The following TAFA1 variants were observed in gnomAD, a reference collection of about 807,000 sequenced individuals.
The protein encoded by TAFA1 is TAFA chemokine like family member 1.
A neutral mutation model predicts 18.5 loss-of-function variants in TAFA1; 4 were observed. The observed-to-expected ratio is 0.22, with a 90% CI of 0.11 to 0.49. TAFA1 has a LOEUF of 0.49. Among genes scored for constraint, TAFA1 ranks in the 20% least tolerant of loss-of-function variants. The pLI, the probability that TAFA1 is intolerant of heterozygous loss-of-function variation, is 0.98. For synonymous variants in TAFA1, 56 were observed against 55.2 expected (o/e 1.01, Z -0.06); for missense variants, 147 against 169.0 (o/e 0.87, Z 0.72).
chr3:68,395,929 A>C (rs2106729322), intron 2 of TAFA1, among the ~76,000 whole-genome samples: 1 of 151,722 alleles, frequency 6.6e-6, no homozygotes, highest in African/African-American at 2.4e-5. Flanking sequence ...TGTATCCCAG[A>C]ACTTAAAGTA....
At position 68,325,211 on chromosome 3, in the gene TAFA1, A is replaced by T. The variant is rs886388519; in HGVS notation, c.119-92069A>T. On this transcript the variant is annotated intron_variant, in intron 2 of 4. Coordinates refer to ENST00000478136, the MANE Select transcript of TAFA1 (RefSeq NM_213609.4). ...TGTGTGACCCTAGAAGAAATATTTAACAGCACCAAGGCATCAGTGTCACCA... is the reference window on the plus strand; with the variant it reads ...TGTGTGACCCTAGAAGAAATATTTATCAGCACCAAGGCATCAGTGTCACCA... Among the ~76,000 whole-genome samples, 5 of 152,192 alleles carry T rather than the reference A, an allele frequency of 3.3e-5. 1 individual carries two copies. Among genetic ancestry groups the T allele is most frequent in the Admixed American group, 3.3e-4 (5 of 15,282 alleles).
chr3:68,306,143 A>C (rs1273481906), intron 2 of TAFA1, among the ~76,000 whole-genome samples: 1 of 152,252 alleles, frequency 6.6e-6, no homozygotes, highest in Non-Finnish European at 1.5e-5. Context: ...AGATTCCAAA[A>C]GGAAGATCAG....
intron 2 of TAFA1, chr3:68,145,567 TC>T: frequency 2.7e-6 from 4 of 1,480,106 alleles, no homozygotes; most frequent in Non-Finnish European, 3.8e-6. Context: ...CTGCTCCACT[TC>T]CCCCAATACC....
At chr3:68,047,102 T>TC (rs1459559802) in intron 2 of TAFA1, among the ~76,000 whole-genome samples, 1 of 152,192 alleles carries the variant, frequency 6.6e-6, no homozygotes, top group Non-Finnish European at 1.5e-5. Flanking sequence ...ACTGTTCTCA[T>TC]CCCCATGAGG....
chr3:68,254,892 C>T (rs2067269040), intron 2 of TAFA1, among the ~76,000 whole-genome samples: 1 of 152,108 alleles, frequency 6.6e-6, no homozygotes, highest in African/African-American at 2.4e-5. Flanking sequence ...TGCCAGCCTA[C>T]ACAGTACAAT....
intron 2 of TAFA1, among the ~76,000 whole-genome samples, chr3:68,386,760 C>T (rs1575824106): frequency 6.6e-6 from 1 of 152,100 alleles, no homozygotes; most frequent in Non-Finnish European, 1.5e-5. Flanking sequence ...AGGTGTGAAG[C>T]TTATAGAAAC....
At chr3:68,424,492 C>A (rs118043729) in intron 3 of TAFA1, among the ~76,000 whole-genome samples, 1 of 151,874 alleles carries the variant, frequency 6.6e-6, no homozygotes, top group South Asian at 2.1e-4. Context: ...ACAGATGTAA[C>A]TTTAATTTTT....
chr3:68,105,873 C>T (rs371066997), intron 2 of TAFA1, among the ~76,000 whole-genome samples: 4 of 152,198 alleles, frequency 2.6e-5, no homozygotes, highest in African/African-American at 9.6e-5. Flanking sequence ...CTGGTATTTA[C>T]AGGTTAATCC....
chr3:68,467,844 A>C (rs2071919399), intron 3 of TAFA1, among the ~76,000 whole-genome samples: 1 of 152,210 alleles, frequency 6.6e-6, no homozygotes, highest in South Asian at 2.1e-4. Flanking sequence ...CAAACATGGA[A>C]ATCCAAAAGT....
At chr3:68,507,574 T>C (rs1280065781) in intron 3 of TAFA1, among the ~76,000 whole-genome samples, 1 of 152,138 alleles carries the variant, frequency 6.6e-6, no homozygotes, top group Admixed American at 6.6e-5. Context: ...ATTGTTCTAT[T>C]AAATGATTAT....
At chr3:68,188,507 TTATA>T (rs758653893) in intron 2 of TAFA1, among the ~76,000 whole-genome samples, 175 of 145,720 alleles carry the variant, frequency 1.2e-3, no homozygotes, top group African/African-American at 3.5e-3. Context: ...GTATATATAT[TTATA>T]TATATATATA....
intron 2 of TAFA1, 131 bp from the exon 3 acceptor site, chr3:68,417,149 T>A: frequency 1.4e-6 from 1 of 692,258 alleles, no homozygotes; most frequent in Non-Finnish European, 2.5e-6. Context: ...AGTCCTGTTG[T>A]AATTGTATTT....
At chr3:68,116,814 C>T (rs1025014506) in intron 2 of TAFA1, among the ~76,000 whole-genome samples, 3 of 152,152 alleles carry the variant, frequency 2.0e-5, no homozygotes, top group Non-Finnish European at 4.4e-5. Context: ...CAAATCCAGC[C>T]CACCTGCCTG....
intron 3 of TAFA1, among the ~76,000 whole-genome samples, chr3:68,526,583 G>T (rs1196831038): frequency 6.6e-6 from 1 of 152,126 alleles, no homozygotes; most frequent in Non-Finnish European, 1.5e-5. Context: ...AAAGAGGAAA[G>T]AGTACTTAAC....
At chr3:68,474,696 A>G (rs539392082) in intron 3 of TAFA1, among the ~76,000 whole-genome samples, 1 of 152,318 alleles carries the variant, frequency 6.6e-6, no homozygotes, top group East Asian at 1.9e-4. Context: ...AGCCATTTCT[A>G]TTACTTCTCA....
chr3:68,319,962 A>C (rs951920654), intron 2 of TAFA1, among the ~76,000 whole-genome samples: 1 of 152,172 alleles, frequency 6.6e-6, no homozygotes, highest in Non-Finnish European at 1.5e-5. Context: ...TGAGAATACG[A>C]CTAAAACAGT....
intron 2 of TAFA1, among the ~76,000 whole-genome samples, chr3:68,120,189 C>G (rs2065376178): frequency 1.3e-4 from 5 of 37,592 alleles, no homozygotes; most frequent in African/African-American, 4.6e-4. Context: ...TTCTTTCTTT[C>G]TTTCTTTCTT....
intron 3 of TAFA1, among the ~76,000 whole-genome samples, chr3:68,521,408 C>A (rs192975956): frequency 6.6e-6 from 1 of 152,178 alleles, no homozygotes; most frequent in Non-Finnish European, 1.5e-5. Context: ...ATGCTGGTCA[C>A]AATTTCTATG....
intron 2 of TAFA1, among the ~76,000 whole-genome samples, chr3:68,231,651 C>T (rs923855856): frequency 2.6e-5 from 4 of 152,128 alleles, no homozygotes; most frequent in African/African-American, 7.2e-5. Context: ...TGAGCCACCG[C>T]GCCCGGCCAA....
Sources: allele counts gnomAD v4.1 joint callset (sites outside exome capture counted in the v4.1 genomes callset), GRCh38; gene constraint gnomAD v4.1.1; transcripts MANE v1.5; gene names NCBI Gene and HGNC (gene_info 2026-07-23, HGNC 2026-07-21).